Variants in TANC1 observed in about 807,000 individuals in gnomAD.
TANC1 encodes protein TANC1.
In TANC1, 77 loss-of-function variants were observed where a neutral mutation model predicts 149.7. The ratio of observed to expected loss-of-function variants is 0.51; its 90% CI spans 0.43 to 0.62. The LOEUF (loss-of-function observed/expected upper bound fraction) is 0.62. Among genes scored for constraint, TANC1 ranks in the 20% least tolerant of loss-of-function variants. The pLI is 0.00. For missense variants in TANC1, 1,985 were observed against 2,321.8 expected (o/e 0.85, Z 2.98); for synonymous variants, 854 against 925.0 (o/e 0.92, Z 1.39).
At chr2:159,151,548 G>A (rs1427261754) in intron 7 of TANC1, among the ~76,000 whole-genome samples, 1 of 152,264 alleles carries the variant, frequency 6.6e-6, no homozygotes, top group Non-Finnish European at 1.5e-5. Context: ...ACATTAATAT[G>A]TAATCAAATG....
At chr2:159,002,801 T>A (rs1225908998) in intron 2 of TANC1, among the ~76,000 whole-genome samples, 2 of 152,198 alleles carry the variant, frequency 1.3e-5, no homozygotes, top group African/African-American at 4.8e-5. Flanking sequence ...GAGCAGTGCT[T>A]TCTGTGTAAT....
intron 2 of TANC1, among the ~76,000 whole-genome samples, chr2:159,021,174 A>G (rs943962667): frequency 6.6e-6 from 1 of 152,210 alleles, no homozygotes; most frequent in African/African-American, 2.4e-5. Context: ...ATCATCTTAT[A>G]GATAATACAG....
intron 5 of TANC1, among the ~76,000 whole-genome samples, chr2:159,146,986 A>G (rs1413174994): frequency 6.6e-6 from 1 of 152,064 alleles, no homozygotes; most frequent in African/African-American, 2.4e-5. Flanking sequence ...TTGCAGACAC[A>G]GTGTGGAGGC....
intron 10 of TANC1, among the ~76,000 whole-genome samples, chr2:159,171,871 A>AAAAG (rs1553599450): frequency 0.044 from 4,686 of 105,582 alleles, 193 homozygotes; most frequent in African/African-American, 0.071. Flanking sequence ...AAAAAAAAAA[A>AAAAG]AAAAGAAAAA....
At chr2:159,079,077 T>C (rs1209956769) in intron 3 of TANC1, among the ~76,000 whole-genome samples, 2 of 152,176 alleles carry the variant, frequency 1.3e-5, no homozygotes, top group African/African-American at 4.8e-5. Flanking sequence ...TGGGGGTTTT[T>C]GGTACTTAAA....
At position 159,228,906 on chromosome 2, in the gene TANC1, G is replaced by C; in HGVS notation, c.4151+10G>C. The C allele has an allele frequency of 6.2e-7, 1 of 1,607,766 alleles. No individual in the cohort carries two copies. The highest frequency in any genetic ancestry group is 1.1e-5 in the South Asian group (1 of 90,858). ...CGAAGAGAAATAGCAGGTACCGTCT[G>C]TGGTTATCTTTGTGTCTAGAGCTTT... On this transcript the variant is annotated intron_variant, in intron 26 of 26. Coordinates refer to ENST00000263635, the MANE Select transcript of TANC1 (RefSeq NM_033394.3).
At chr2:158,973,944 CCTCT>C (rs768424933) in intron 1 of TANC1, among the ~76,000 whole-genome samples, 11 of 152,140 alleles carry the variant, frequency 7.2e-5, no homozygotes, top group Non-Finnish European at 1.6e-4. Context: ...ATTACACTCC[CCTCT>C]CTCTGCCATG....
chr2:159,027,712 A>G (rs903313924), intron 2 of TANC1, among the ~76,000 whole-genome samples: 4 of 152,204 alleles, frequency 2.6e-5, no homozygotes, highest in Admixed American at 6.5e-5. Context: ...TGTTATAGCA[A>G]TGACCCCATT....
rs139169612 is a variant in TANC1, at chr2:159,191,237, A to T, written c.2743-3020A>T. Among the ~76,000 whole-genome samples, 6 of 152,262 alleles carry T rather than the reference A, an allele frequency of 3.9e-5. No homozygotes were observed. The East Asian group carries it at 1.2e-3, about 29-fold the overall frequency. On this transcript the variant is annotated intron_variant, in intron 16 of 26. Coordinates refer to ENST00000263635, the MANE Select transcript of TANC1 (RefSeq NM_033394.3). ...AGATGGCAGTCCCAGCAGTGTGAAG[A>T]AACTGATGTGTGGGTCATCCCCATC...
At chr2:159,137,688 C>CT (rs1261288436) in intron 5 of TANC1, among the ~76,000 whole-genome samples, 1 of 152,184 alleles carries the variant, frequency 6.6e-6, no homozygotes, top group Non-Finnish European at 1.5e-5. Flanking sequence ...TAAAATCTCT[C>CT]TCTCTGTAGT....
At chr2:159,050,342 C>T (rs2041378421) in intron 2 of TANC1, among the ~76,000 whole-genome samples, 2 of 152,176 alleles carry the variant, frequency 1.3e-5, no homozygotes, top group South Asian at 4.1e-4. Context: ...CTACCTTGGC[C>T]TCCCAAAGTG....
At chr2:159,006,178 T>C (rs1199916048) in intron 2 of TANC1, among the ~76,000 whole-genome samples, 1 of 151,142 alleles carries the variant, frequency 6.6e-6, no homozygotes, top group Non-Finnish European at 1.5e-5. Context: ...ACACCTGTAG[T>C]CCCAGCTACT....
chr2:159,093,744 C>G (rs984648047), intron 3 of TANC1, among the ~76,000 whole-genome samples: 1 of 152,060 alleles, frequency 6.6e-6, no homozygotes, highest in Non-Finnish European at 1.5e-5. Context: ...CCCCCTCCCC[C>G]TCCCTCTTCT....
rs574254381 is a variant in TANC1, at chr2:159,089,236, A to G, written c.62-8401A>G. On this transcript the variant is annotated intron_variant, in intron 3 of 26. Coordinates refer to ENST00000263635, the MANE Select transcript of TANC1 (RefSeq NM_033394.3). ...CTTTTGTCATCTTTAAAATTACTGG[A>G]AATTCTTTCCTTTTCTGGCAGTCTC... Among the ~76,000 whole-genome samples, 3 of 152,208 alleles carry G rather than the reference A, an allele frequency of 2.0e-5. No individual in the cohort carries two copies. In the South Asian group the frequency reaches 6.2e-4, roughly 32 times the overall value.
At chr2:159,065,368 G>A (rs148285274) in intron 2 of TANC1, among the ~76,000 whole-genome samples, 5 of 152,312 alleles carry the variant, frequency 3.3e-5, no homozygotes, top group African/African-American at 1.2e-4. Context: ...GGGTTAAAAT[G>A]TGTTCCCACT....
In TANC1 at chr2:159,097,813, A is replaced by C; in HGVS notation, c.238A>C (p.Arg80=). 6.2e-7 allele frequency: 1 copy of C among 1,613,118 alleles called. No individual in the cohort carries two copies. The highest frequency in any genetic ancestry group is 8.5e-7 in the Non-Finnish European group (1 of 1,179,356). ...TCGACAGTCTCACTTGGTGCAATCA[A>C]GAGTGAACAAAAAATCCCCAGGTAA... ...LPRQSHLVQS[R]VNKKSPGPVR... is the part of the protein sequence containing the mutation. The change falls in exon 4 of 27, where the codon AGA becomes CGA. Residue 80 remains arginine, a synonymous_variant. Coordinates refer to ENST00000263635, the MANE Select transcript of TANC1 (RefSeq NM_033394.3).
Position 159,219,868 on chromosome 2 carries a change from G to A in TANC1, c.3678+1G>A, listed in dbSNP as rs751438256. 2.5e-6 allele frequency: 4 copies of A among 1,612,658 alleles called. No individual in the cohort carries two copies. Among genetic ancestry groups the A allele is most frequent in the Non-Finnish European group, 3.4e-6 (4 of 1,179,958 alleles). On this transcript the variant is annotated splice_donor_variant, in intron 22 of 26. Coordinates refer to ENST00000263635, the MANE Select transcript of TANC1 (RefSeq NM_033394.3). LOFTEE classifies it high-confidence loss of function. Reference sequence around the variant, plus strand: ...TGCCTTCTATGGCGATGCCGAGACTGTGAGTACCAGCAGGTGTTCCCCACC... The same window carrying A: ...TGCCTTCTATGGCGATGCCGAGACTATGAGTACCAGCAGGTGTTCCCCACC...
rs2060310133 is a variant in TANC1, at chr2:159,231,019, A to G, written c.*7A>G. On this transcript the variant is annotated 3_prime_UTR_variant, in exon 27 of 27. Coordinates refer to ENST00000263635, the MANE Select transcript of TANC1 (RefSeq NM_033394.3). ...TATAGAGTCAAATGTGTGAACCTTA[A>G]GAAATCCCCATTTGTGGAATTTGGA... 2 of 1,581,860 alleles carry G rather than the reference A, an allele frequency of 1.3e-6. No homozygotes were observed. The highest frequency in any genetic ancestry group is 1.7e-6 in the Non-Finnish European group (2 of 1,162,020).
chr2:159,004,082 T>C (rs934889253), intron 2 of TANC1: 2 of 1,612,164 alleles, frequency 1.2e-6, no homozygotes, highest in African/African-American at 2.7e-5. Flanking sequence ...CTTCCCTTTC[T>C]GCTAATACCT....
Sources: allele counts gnomAD v4.1 joint callset (sites outside exome capture counted in the v4.1 genomes callset), GRCh38; gene constraint gnomAD v4.1.1; transcripts MANE v1.5; gene names NCBI Gene and HGNC (gene_info 2026-07-23, HGNC 2026-07-21).